Variants in RGS5 observed in about 807,000 individuals in gnomAD.
RGS5 encodes regulator of G protein signaling 5.
A neutral mutation model predicts 18.9 loss-of-function variants in RGS5; 20 were observed. The observed-to-expected ratio is 1.06, with a 90% CI of 0.74 to 1.54. The LOEUF (loss-of-function observed/expected upper bound fraction) is 1.54. Ranked by LOEUF, RGS5 falls within the 40% of genes most tolerant of loss-of-function variation. RGS5 has a pLI of 0.00. For synonymous variants in RGS5, 57 were observed against 76.2 expected, an observed-to-expected ratio of 0.75 and a Z score of 1.31; for missense variants, 201 against 211.8, an observed-to-expected ratio of 0.95 and a Z score of 0.32.
At chr1:163,147,596 A>C in intron 4 of RGS5, 93 bp from the exon 5 acceptor site, 6 of 1,160,974 alleles carry the variant, frequency 5.2e-6, no homozygotes, top group Non-Finnish European at 5.9e-6. Context: ...TCAATAAAAC[A>C]TAAGAGGGGA....
chr1:163,249,450 CT>C (rs1028730495), intron 2 of RGS5, among the ~76,000 whole-genome samples: 3 of 152,114 alleles, frequency 2.0e-5, no homozygotes, highest in African/African-American at 7.2e-5. Context: ...GTTAATATTT[CT>C]TTGAGAAAAT....
At chr1:163,175,598 T>G (rs1191176821) in intron 1 of RGS5, among the ~76,000 whole-genome samples, 1 of 152,118 alleles carries the variant, frequency 6.6e-6, no homozygotes, top group Non-Finnish European at 1.5e-5. Flanking sequence ...GCCGGGTGAT[T>G]GTGGTGGAAA....
intron 1 of RGS5, among the ~76,000 whole-genome samples, chr1:163,311,648 T>G (rs1416301261): frequency 6.6e-6 from 1 of 152,178 alleles, no homozygotes; most frequent in Admixed American, 6.5e-5. Context: ...GGCTGGTCAA[T>G]GAAGCAGTTA....
chr1:163,158,319 CA>C (rs1158653968), intron 3 of RGS5, among the ~76,000 whole-genome samples: 1 of 151,986 alleles, frequency 6.6e-6, no homozygotes, highest in Non-Finnish European at 1.5e-5. Context: ...AAGAGAGACA[CA>C]GAGAAAGACA....
upstream of RGS5, among the ~76,000 whole-genome samples, chr1:163,218,128 A>C (rs1660257666): frequency 6.6e-6 from 1 of 152,138 alleles, no homozygotes; most frequent in Non-Finnish European, 1.5e-5. Context: ...CAGGTTTGAA[A>C]AGCTGAGTAT....
At chr1:163,229,733 G>A (rs1647429557) in intron 2 of RGS5, among the ~76,000 whole-genome samples, 1 of 152,100 alleles carries the variant, frequency 6.6e-6, no homozygotes, top group African/African-American at 2.4e-5. Flanking sequence ...CTCAAATATT[G>A]GCTTTTCAGT....
chr1:163,303,321 G>A (rs59879655), intron 2 of RGS5, among the ~76,000 whole-genome samples: 32,386 of 151,940 alleles, frequency 0.21, 3,689 homozygotes, highest in African/African-American at 0.3. Flanking sequence ...CTGCAACTAC[G>A]GTATCATTAG....
intron 2 of RGS5, among the ~76,000 whole-genome samples, chr1:163,262,478 G>C (rs1371356919): frequency 1.5e-5 from 1 of 66,236 alleles, no homozygotes; most frequent in African/African-American, 6.1e-5. Flanking sequence ...CCCTACAAAG[G>C]ATATGAACTC....
intron 2 of RGS5, among the ~76,000 whole-genome samples, chr1:163,251,216 T>C (rs531671285): frequency 6.1e-4 from 93 of 152,328 alleles, no homozygotes; most frequent in South Asian, 5.6e-3. Context: ...TTCCTTAAAT[T>C]AACAATCTTT....
chr1:163,205,370 GGAGA>G (rs969692361), upstream of RGS5, among the ~76,000 whole-genome samples: 11 of 127,536 alleles, frequency 8.6e-5, no homozygotes, highest in African/African-American at 3.4e-4. Flanking sequence ...AAAAAAAAAA[GGAGA>G]GAGCCTACTA....
intron 4 of RGS5, among the ~76,000 whole-genome samples, chr1:163,148,850 A>G (rs1416410245): frequency 6.6e-6 from 1 of 152,256 alleles, no homozygotes; most frequent in Non-Finnish European, 1.5e-5. Context: ...GAGTGTAAAC[A>G]AGACAGAAAT....
chr1:163,263,102 C>T (rs375042253), intron 2 of RGS5, among the ~76,000 whole-genome samples: 2 of 152,126 alleles, frequency 1.3e-5, no homozygotes, highest in East Asian at 3.9e-4. Flanking sequence ...TAGCTTAAAC[C>T]CTTTTCATGC....
chr1:163,313,545 G>T (rs1455396361), intron 1 of RGS5, among the ~76,000 whole-genome samples: 1 of 152,184 alleles, frequency 6.6e-6, no homozygotes, highest in Non-Finnish European at 1.5e-5. Context: ...ATCTCTGAAG[G>T]CCTAGAAGGT....
intron 2 of RGS5, among the ~76,000 whole-genome samples, chr1:163,273,766 A>G (rs114710303): frequency 0.017 from 2,655 of 152,268 alleles, 73 homozygotes; most frequent in African/African-American, 0.059. Flanking sequence ...AATATAAGAC[A>G]TTTCAGATAA....
intron 2 of RGS5, among the ~76,000 whole-genome samples, chr1:163,293,261 T>C (rs1170268163): frequency 6.6e-6 from 1 of 152,204 alleles, no homozygotes; most frequent in Non-Finnish European, 1.5e-5. Context: ...ACTGGGTATT[T>C]ATAAATAAAA....
chr1:163,172,513 C>T, intron 1 of RGS5: 1 of 1,539,390 alleles, frequency 6.5e-7, no homozygotes, highest in Admixed American at 2.0e-5. Context: ...TATAACATTG[C>T]CAAGAGAAAA....
intron 2 of RGS5, chr1:163,267,246 T>C (rs1648593362): frequency 6.6e-6 from 1 of 152,042 alleles, no homozygotes; most frequent in African/African-American, 2.4e-5. Flanking sequence ...CTCTCTCTTT[T>C]TTCCTGTCCA....
At chr1:163,302,782 C>T (rs893418670) in intron 2 of RGS5, among the ~76,000 whole-genome samples, 2 of 152,202 alleles carry the variant, frequency 1.3e-5, no homozygotes, top group Non-Finnish European at 2.9e-5. Flanking sequence ...GACCTTACCC[C>T]TTCCTCACAC....
upstream of RGS5, among the ~76,000 whole-genome samples, chr1:163,219,063 TA>T (rs1660277543): frequency 6.6e-6 from 1 of 152,064 alleles, no homozygotes; most frequent in Admixed American, 6.6e-5. Context: ...GTAAAGAAAA[TA>T]GATCAGCATT....
Sources: gnomAD v4.1 joint callset for allele counts (sites outside exome capture counted in the v4.1 genomes callset) on GRCh38, gnomAD v4.1.1 for gene constraint, MANE v1.5 for transcripts, NCBI Gene and HGNC (gene_info 2026-07-23, HGNC 2026-07-21) for gene names.